PDGFD: variants seen among roughly 807,000 people sequenced by gnomAD.
The protein encoded by PDGFD is platelet derived growth factor D.
A neutral mutation model predicts 44.7 loss-of-function variants in PDGFD; 30 were observed. The observed-to-expected ratio is 0.67, with a 90% CI of 0.50 to 0.91. The LOEUF (loss-of-function observed/expected upper bound fraction) is 0.91. PDGFD is among the 40% of genes least tolerant of loss of function. PDGFD has a pLI of 0.00. For synonymous variants in PDGFD, 173 were observed against 168.4 expected (o/e 1.03, Z -0.21); for missense variants, 445 against 457.8 (o/e 0.97, Z 0.25).
intron 1 of PDGFD, among the ~76,000 whole-genome samples, chr11:104,079,294 C>A (rs1395871443): frequency 6.6e-6 from 1 of 152,190 alleles, no homozygotes; most frequent in Non-Finnish European, 1.5e-5. Flanking sequence ...AGCCTCCTCT[C>A]CACCTCCCTT....
chr11:103,991,204 T>A (rs181432275), intron 3 of PDGFD, among the ~76,000 whole-genome samples: 2 of 152,046 alleles, frequency 1.3e-5, no homozygotes, highest in Non-Finnish European at 2.9e-5. Flanking sequence ...CTGTTGATAA[T>A]ATTGCTTTTG....
At chr11:104,047,857 A>G (rs2134403924) in intron 1 of PDGFD, among the ~76,000 whole-genome samples, 1 of 152,220 alleles carries the variant, frequency 6.6e-6, no homozygotes, top group South Asian at 2.1e-4. Context: ...TAGTCGAGCC[A>G]CCATGGAGAA....
intron 1 of PDGFD, among the ~76,000 whole-genome samples, chr11:104,063,947 G>A (rs1860750481): frequency 6.6e-6 from 1 of 152,140 alleles, no homozygotes; most frequent in Admixed American, 6.5e-5. Flanking sequence ...CGGAAGAAGG[G>A]AGAGGTTTCA....
Position 103,996,094 on chromosome 11 carries a change from G to A in PDGFD, c.481C>T (p.Pro161Ser), listed in dbSNP as rs1421026091. Residue 161 changes from proline to serine, a missense_variant, in exon 3 of 7, where the codon CCT becomes TCT. By Grantham distance (74) the Pro-to-Ser change is moderately conservative. Transcript: ENST00000393158. ...FKSDDYFVAK[P>S]GFKIYYSLLE... Reference sequence around the variant, plus strand: ...AAAGAATAATAAATCTTGAATCCAGGTTTAGCCACAAAGTAGTCATCGGAC... The same window carrying A: ...AAAGAATAATAAATCTTGAATCCAGATTTAGCCACAAAGTAGTCATCGGAC... The A allele has an allele frequency of 6.8e-6, 11 of 1,613,384 alleles. No individual in the cohort carries two copies. The highest frequency in any genetic ancestry group is 1.1e-5 in the South Asian group (1 of 90,944).
intron 1 of PDGFD, among the ~76,000 whole-genome samples, chr11:104,149,829 G>A (rs529068146): frequency 6.6e-6 from 1 of 152,196 alleles, no homozygotes; most frequent in African/African-American, 2.4e-5. Flanking sequence ...CTGGACAGTG[G>A]CCCTGGCCGG....
At chr11:104,009,919 C>T (rs972433232) in intron 1 of PDGFD, among the ~76,000 whole-genome samples, 13 of 152,062 alleles carry the variant, frequency 8.5e-5, no homozygotes, top group African/African-American at 1.2e-4. Context: ...ATTAATAGGA[C>T]GGTCTTCACT....
chr11:103,932,953 C>T (rs1193265403), intron 5 of PDGFD, among the ~76,000 whole-genome samples: 1 of 152,070 alleles, frequency 6.6e-6, no homozygotes, highest in African/African-American at 2.4e-5. Flanking sequence ...GATTTAGAAC[C>T]ATCTCTGCCA....
At chr11:104,013,224 G>C (rs10895562) in intron 1 of PDGFD, among the ~76,000 whole-genome samples, 45,364 of 151,986 alleles carry the variant, frequency 0.3, 8,168 homozygotes, top group Admixed American at 0.48. Context: ...ATCCTGCTGA[G>C]AGCCAGCTCC....
intron 3 of PDGFD, among the ~76,000 whole-genome samples, chr11:103,963,397 C>T (rs1459292283): frequency 6.6e-6 from 1 of 152,162 alleles, no homozygotes; most frequent in Non-Finnish European, 1.5e-5. Context: ...GGTTTCCTGG[C>T]TGGTCATTTC....
At chr11:103,921,291 C>A (rs1426692733) in intron 6 of PDGFD, among the ~76,000 whole-genome samples, 1 of 152,048 alleles carries the variant, frequency 6.6e-6, no homozygotes, top group Non-Finnish European at 1.5e-5. Context: ...TAATCATGAC[C>A]CAAAAACTCC....
Position 103,994,634 on chromosome 11 carries a change from A to T in PDGFD, c.510+1431T>A, listed in dbSNP as rs968091105. 2.6e-5 allele frequency among the ~76,000 whole-genome samples: 4 copies of T among 152,264 alleles called. No homozygotes were observed. In the East Asian group the frequency reaches 7.7e-4, roughly 29 times the overall value. On this transcript the variant is annotated intron_variant, in intron 3 of 6. Coordinates refer to ENST00000393158, the MANE Select transcript of PDGFD (RefSeq NM_025208.5). ...AACTTTAATTCTTAAGATAAAAAATAAAAAAATAAATTGATGCCATTTATA... is the reference window on the plus strand; with the variant it reads ...AACTTTAATTCTTAAGATAAAAAATTAAAAAATAAATTGATGCCATTTATA...
chr11:104,093,639 A>C (rs1861242809), intron 1 of PDGFD, among the ~76,000 whole-genome samples: 1 of 150,904 alleles, frequency 6.6e-6, no homozygotes, highest in Non-Finnish European at 1.5e-5. Context: ...TCACTCCCTC[A>C]CTCCCTCACT....
chr11:104,100,976 C>T (rs960403636), intron 1 of PDGFD, among the ~76,000 whole-genome samples: 3 of 152,090 alleles, frequency 2.0e-5, no homozygotes, highest in Non-Finnish European at 2.9e-5. Context: ...CTATTTATGA[C>T]AAACCCACAG....
At chr11:104,112,038 A>G (rs1278157172) in intron 1 of PDGFD, among the ~76,000 whole-genome samples, 9 of 152,200 alleles carry the variant, frequency 5.9e-5, no homozygotes, top group Middle Eastern at 3.2e-3. Context: ...TTTTCTTTCC[A>G]GACAATTTTG....
At chr11:104,130,237 C>T (rs1182009538) in intron 1 of PDGFD, among the ~76,000 whole-genome samples, 1 of 152,060 alleles carries the variant, frequency 6.6e-6, no homozygotes, top group African/African-American at 2.4e-5. Flanking sequence ...TGTAATCCCC[C>T]CCTTTTCTCT....
chr11:103,913,174 C>T (rs1033333314), intron 6 of PDGFD, among the ~76,000 whole-genome samples: 25 of 134,152 alleles, frequency 1.9e-4, no homozygotes, highest in African/African-American at 5.9e-4. Context: ...ACAGAACTCC[C>T]CACCCCAAAT....
Position 104,000,158 on chromosome 11 carries a change from G to A in PDGFD, c.222C>T (p.Pro74=). The part of the protein sequence containing the change: ...VQSPRFPNSY[P]RNLLLTWRLH... ...GCCGCCATGTCAGGAGCAGGTTCCTGGGGTAGCTGTTCGGGAATCTAGGAC... is the reference window on the plus strand; with the variant it reads ...GCCGCCATGTCAGGAGCAGGTTCCTAGGGTAGCTGTTCGGGAATCTAGGAC... The change falls in exon 2 of 7, where the codon CCC becomes CCT. Residue 74 remains proline, a synonymous_variant. Coordinates refer to ENST00000393158, the MANE Select transcript of PDGFD (RefSeq NM_025208.5). The A allele has an allele frequency of 1.2e-6, 2 of 1,614,008 alleles. No individual in the cohort carries two copies. The highest frequency in any genetic ancestry group is 1.7e-6 in the Non-Finnish European group (2 of 1,179,966).
At chr11:103,994,151 C>T (rs1021168728) in intron 3 of PDGFD, among the ~76,000 whole-genome samples, 3 of 152,154 alleles carry the variant, frequency 2.0e-5, no homozygotes, top group Non-Finnish European at 4.4e-5. Flanking sequence ...GGTTATTTTG[C>T]CTTAAAGACA....
intron 1 of PDGFD, among the ~76,000 whole-genome samples, chr11:104,071,939 CTATT>C (rs1437799347): frequency 6.6e-6 from 1 of 151,608 alleles, no homozygotes; most frequent in Non-Finnish European, 1.5e-5. Flanking sequence ...TTCCACTAGT[CTATT>C]TATATATTCA....
Sources: allele counts gnomAD v4.1 joint callset (sites outside exome capture counted in the v4.1 genomes callset), GRCh38; gene constraint gnomAD v4.1.1; transcripts MANE v1.5; gene names NCBI Gene and HGNC (gene_info 2026-07-23, HGNC 2026-07-21).